The following NR4A3 variants were observed in gnomAD, a reference collection of about 807,000 sequenced individuals.
NR4A3 encodes the protein chondrosarcoma, extraskeletal myxoid, fused to EWS.
NR4A3 carries 13 observed loss-of-function variants against 55.6 expected under a neutral mutation model. That is an observed-to-expected ratio of 0.23 (90% CI 0.15 to 0.37). The LOEUF (loss-of-function observed/expected upper bound fraction) is 0.37, where lower values mean the gene tolerates loss of function less well. Ranked by LOEUF, NR4A3 falls within the 10% of genes least tolerant of loss-of-function variation. The pLI is 1.00. For synonymous variants in NR4A3, 342 were observed against 357.9 expected (o/e 0.96, Z 0.50); for missense variants, 646 against 822.8 (o/e 0.79, Z 2.63).
Position 99,865,477 on chromosome 9 carries a change from G to C in NR4A3, c.*1610G>C, listed in dbSNP as rs1374828592. On this transcript the variant is annotated 3_prime_UTR_variant, in exon 8 of 8. Transcript: ENST00000395097. This position sits in a 1 kb window ranked among gnomAD's most constrained non-coding sequence, Gnocchi z 4.3. ...GATATTAAAATTTTGCTTATGTTTT[G>C]CTAAATTCGAATAATGTTTGAAGAT... is the stretch of plus-strand genomic sequence containing the variant. 1 of 183,176 alleles carries C rather than the reference G, an allele frequency of 5.5e-6. No individual in the cohort carries two copies. Among genetic ancestry groups the C allele is most frequent in the East Asian group, 8.9e-5 (1 of 11,264 alleles). 11.3% of individuals were successfully genotyped at this position (183,176 alleles called of 1,614,324 possible).
intron 5 of NR4A3, among the ~76,000 whole-genome samples, chr9:99,837,591 T>A (rs1013780962): frequency 2.6e-5 from 4 of 152,130 alleles, no homozygotes; most frequent in Non-Finnish European, 2.9e-5. Flanking sequence ...GGTTTTTTTT[T>A]AAAGGCAACC....
intron 5 of NR4A3, chr9:99,834,874 C>T: frequency 1.0e-6 from 1 of 983,882 alleles, no homozygotes; most frequent in Non-Finnish European, 1.2e-6. Context: ...TAAGTAGTGG[C>T]TCTTGACTAC....
chr9:99,838,082 G>A (rs1370378861), intron 5 of NR4A3, among the ~76,000 whole-genome samples: 1 of 152,168 alleles, frequency 6.6e-6, no homozygotes, highest in Non-Finnish European at 1.5e-5. Flanking sequence ...GTCAAAACAT[G>A]TCACGTTTGA....
At position 99,828,050 on chromosome 9, in the gene NR4A3, G is replaced by C; in HGVS notation, c.8G>C (p.Cys3Ser). 1.2e-6 allele frequency: 2 copies of C among 1,613,084 alleles called. No homozygotes were observed. Among genetic ancestry groups the C allele is most frequent in the Non-Finnish European group, 1.7e-6 (2 of 1,179,420 alleles). The change falls in exon 3 of 8, where the codon TGC becomes TCC. Residue 3 changes from cysteine (C) to serine (S), a missense_variant. Transcript: ENST00000395097. The surrounding 1 kb of genome is among the most constrained non-coding windows in gnomAD (Gnocchi z 7.7). ...TTCTCTGTCCCTGCAGATATGCCCT[G>C]CGTCCAAGCCCAATATAGCCCTTCC... MP[C>S]VQAQYSPSPP... is the part of the protein sequence containing the mutation.
chr9:99,857,755 CAAATAAATAAAT>C (rs71370972), intron 7 of NR4A3, among the ~76,000 whole-genome samples: 30 of 141,366 alleles, frequency 2.1e-4, no homozygotes, highest in East Asian at 6.2e-4. Context: ...CTCTGTCTCA[CAAATAAATAAAT>C]AAATAAATAA....
At chr9:99,842,685 G>T (rs1032830040) in intron 5 of NR4A3, among the ~76,000 whole-genome samples, 137 of 152,014 alleles carry the variant, frequency 9.0e-4, no homozygotes, top group African/African-American at 3.2e-3. Context: ...AGCCAAGATC[G>T]TGCCACTGCA....
intron 7 of NR4A3, among the ~76,000 whole-genome samples, chr9:99,851,580 C>T (rs556849688): frequency 3.3e-5 from 5 of 152,118 alleles, no homozygotes; most frequent in African/African-American, 1.2e-4. Flanking sequence ...CTCCTCCTCT[C>T]TGTACCCCCT....
Position 99,866,770 on chromosome 9 carries a change from A to G in NR4A3, c.*2903A>G. 4.6e-6 allele frequency: 1 copy of G among 217,240 alleles called. No homozygotes were observed. Among genetic ancestry groups the G allele is most frequent in the East Asian group, 6.8e-5 (1 of 14,744 alleles). 13.5% of individuals were successfully genotyped at this position (217,240 alleles called of 1,614,324 possible). A position where few individuals can be genotyped will look rare whatever the true frequency, so the allele number is the denominator to read the frequency against. ...TTTATTTCAGACAGCAGAGTTTTCC[A>G]AAGTTTCTCTGCTCCTCTAACAGCA... On this transcript the variant is annotated 3_prime_UTR_variant, in exon 8 of 8. Transcript: ENST00000395097.
At chr9:99,852,082 G>A (rs886678562) in intron 7 of NR4A3, among the ~76,000 whole-genome samples, 5 of 152,310 alleles carry the variant, frequency 3.3e-5, no homozygotes, top group Non-Finnish European at 7.4e-5. Context: ...ATGCAGTGTA[G>A]AGTAAGTCCA....
chr9:99,828,147 C>T lies in NR4A3; in HGVS notation c.105C>T (p.Tyr35=). The part of the protein sequence containing the change: ...EYTTEIMNPD[Y]TKLTMDLGST... Reference sequence around the variant, plus strand: ...CCACGGAGATCATGAACCCCGACTACACCAAGCTGACCATGGACCTTGGCA... The same window carrying T: ...CCACGGAGATCATGAACCCCGACTATACCAAGCTGACCATGGACCTTGGCA... Residue 35 remains tyrosine (Y), a synonymous_variant, in exon 3 of 8, where the codon TAC becomes TAT. Transcript: ENST00000395097. This position sits in a 1 kb window ranked among gnomAD's most constrained non-coding sequence, Gnocchi z 7.7. 6.2e-7 allele frequency: 1 copy of T among 1,614,150 alleles called. No individual in the cohort carries two copies. The highest frequency in any genetic ancestry group is 8.5e-7 in the Non-Finnish European group (1 of 1,180,018).
Position 99,853,597 on chromosome 9 carries a change from C to T in NR4A3, c.1633+5982C>T, listed in dbSNP as rs1200786848. Reference sequence around the variant, plus strand: ...TGCGGTGTTTGGTTTTTTGTTCTTGCGATAGTTTACTGAGAATGATGGTTT... The same window carrying T: ...TGCGGTGTTTGGTTTTTTGTTCTTGTGATAGTTTACTGAGAATGATGGTTT... On this transcript the variant is annotated intron_variant, in intron 7 of 7. Coordinates refer to ENST00000395097, the MANE Select transcript of NR4A3 (RefSeq NM_006981.4). 9.0e-3 allele frequency among the ~76,000 whole-genome samples: 313 copies of T among 34,832 alleles called. 5 individuals carry two copies. The highest frequency in any genetic ancestry group is 0.033 in the African/African-American group (285 of 8,542). The allele number at this position is 34,832 out of a possible 152,430, so 22.9% of individuals were successfully genotyped here. A position where few individuals can be genotyped will look rare whatever the true frequency, so the allele number is the denominator to read the frequency against.
Position 99,844,781 on chromosome 9 carries a change from A to C in NR4A3, c.1387A>C (p.Lys463Gln). The change falls in exon 6 of 8, where the codon AAA becomes CAA. Residue 463 changes from lysine to glutamine, a missense_variant. By Grantham distance (53) the Lys-to-Gln change is moderately conservative. Coordinates refer to ENST00000395097, the MANE Select transcript of NR4A3 (RefSeq NM_006981.4). ...EKIPGFTDLP[K>Q]EDQTLLIESA... ...GATTCCGGGATTTACTGATCTCCCC[A>C]AAGAAGATCAGACATTACTTATTGA... The C allele has an allele frequency of 1.2e-6, 2 of 1,614,122 alleles. No homozygotes were observed. The highest frequency in any genetic ancestry group is 1.7e-6 in the Non-Finnish European group (2 of 1,179,918).
rs895447146 is a variant in NR4A3, at chr9:99,866,722, C to A, written c.*2855C>A. On this transcript the variant is annotated 3_prime_UTR_variant, in exon 8 of 8. Transcript: ENST00000395097. Reference sequence around the variant, plus strand: ...TGGGCGGAAATCAGGAAGCCACCAGCTGTTAATGGAGAGTGCCTTGCTTTT... The same window carrying A: ...TGGGCGGAAATCAGGAAGCCACCAGATGTTAATGGAGAGTGCCTTGCTTTT... The A allele has an allele frequency of 9.8e-5, 22 of 223,412 alleles. No homozygotes were observed. The highest frequency in any genetic ancestry group is 4.7e-4 in the African/African-American group (21 of 44,868). 13.8% of individuals were successfully genotyped at this position (223,412 alleles called of 1,614,324 possible).
chr9:99,834,752 C>T, intron 5 of NR4A3: 1 of 982,084 alleles, frequency 1.0e-6, no homozygotes, highest in Non-Finnish European at 1.2e-6. Flanking sequence ...TTCCCTCTTC[C>T]CCACCCTCAT....
At chr9:99,862,435 C>G (rs1336226190) in intron 7 of NR4A3, among the ~76,000 whole-genome samples, 1 of 151,344 alleles carries the variant, frequency 6.6e-6, no homozygotes, top group Non-Finnish European at 1.5e-5. Context: ...GTCTCAGCTA[C>G]TCGGGAGGGT....
intron 7 of NR4A3, among the ~76,000 whole-genome samples, chr9:99,858,538 A>G (rs1827963964): frequency 6.6e-6 from 1 of 152,232 alleles, no homozygotes; most frequent in South Asian, 2.1e-4. Context: ...TGTTCAATAA[A>G]TATTTGTTGA....
chr9:99,839,599 A>G (rs1380673849), intron 5 of NR4A3, among the ~76,000 whole-genome samples: 1 of 152,168 alleles, frequency 6.6e-6, no homozygotes, highest in Non-Finnish European at 1.5e-5. Flanking sequence ...CATAATATCC[A>G]TTGCTGTTGT....
Position 99,825,298 on chromosome 9 carries a change from T to C in NR4A3, c.-176-361T>C, listed in dbSNP as rs1001667682. Among the ~76,000 whole-genome samples, 2 of 152,102 alleles carry C rather than the reference T, an allele frequency of 1.3e-5. No homozygotes were observed. The highest frequency in any genetic ancestry group is 2.9e-5 in the Non-Finnish European group (2 of 68,016). On this transcript the variant is annotated intron_variant, in intron 1 of 7. Coordinates refer to ENST00000395097, the MANE Select transcript of NR4A3 (RefSeq NM_006981.4). The surrounding 1 kb of genome is among the most constrained non-coding windows in gnomAD (Gnocchi z 5.0). ...GAGCTCGTTCCTCAAGTGTTCTGCT[T>C]TCTTTGGTTTTCCTGACTTCGTAAG...
rs1023154350 is a variant in NR4A3, at chr9:99,828,883, C to G, written c.841C>G (p.Pro281Ala). The change falls in exon 3 of 8, where the codon CCC (proline) becomes GCC (alanine). Residue 281 changes from proline to alanine, a missense_variant. Around this residue, in one of 5 missense-constraint regions of NR4A3, gnomAD observed 426 missense variants for 429.4 expected, o/e 0.99. Transcript: ENST00000395097. The surrounding 1 kb of genome is among the most constrained non-coding windows in gnomAD (Gnocchi z 7.7). ...CGAGAGTCCCAGCCTGCCGTCGCCG[C>G]CCAGCAGGAGCTCGTCGTCTGGCGA... ...LGESPSLPSP[P>A]SRSSSSGEGT... 6.6e-7 allele frequency: 1 copy of G among 1,506,814 alleles called. No individual in the cohort carries two copies. The highest frequency in any genetic ancestry group is 1.4e-5 in the African/African-American group (1 of 70,452). The allele number at this position is 1,506,814 out of a possible 1,614,324, so 93.3% of individuals were successfully genotyped here. A position where few individuals can be genotyped will look rare whatever the true frequency, so the allele number is the denominator to read the frequency against.
Sources: allele counts gnomAD v4.1 joint callset (sites outside exome capture counted in the v4.1 genomes callset), GRCh38; gene constraint gnomAD v4.1.1; regional missense constraint gnomAD v4.1.1; non-coding constraint Gnocchi (gnomAD v3.1); transcripts MANE v1.5; gene names NCBI Gene and HGNC (gene_info 2026-07-23, HGNC 2026-07-21).